DNAJC5B: variants seen among roughly 807,000 people sequenced by gnomAD.
DNAJC5B encodes dnaJ homolog subfamily C member 5B.
DNAJC5B carries 23 observed loss-of-function variants against 24.7 expected under a neutral mutation model. The ratio of observed to expected loss-of-function variants is 0.93; its 90% CI spans 0.67 to 1.32. The LOEUF is 1.32. Among genes scored for constraint, DNAJC5B ranks in the 40% most tolerant of loss-of-function variants. The pLI is 0.00. For missense variants in DNAJC5B, 238 were observed against 240.8 expected, an observed-to-expected ratio of 0.99 and a Z score of 0.08; for synonymous variants, 101 against 90.1, an observed-to-expected ratio of 1.12 and a Z score of -0.68.
At chr8:66,058,431 G>A (rs891934804) in intron 3 of DNAJC5B, among the ~76,000 whole-genome samples, 1 of 152,164 alleles carries the variant, frequency 6.6e-6, no homozygotes, top group Non-Finnish European at 1.5e-5. Context: ...CTGGAGCAAA[G>A]ATCTCATGGA....
At chr8:66,052,278 T>C (rs1806868978) in intron 3 of DNAJC5B, among the ~76,000 whole-genome samples, 1 of 152,070 alleles carries the variant, frequency 6.6e-6, no homozygotes, top group African/African-American at 2.4e-5. Flanking sequence ...ATTTAACCCA[T>C]CTGATATAGC....
chr8:66,090,762 C>T (rs1023549072), intron 5 of DNAJC5B, among the ~76,000 whole-genome samples: 11 of 152,126 alleles, frequency 7.2e-5, no homozygotes, highest in African/African-American at 2.7e-4. Flanking sequence ...TCTTACTGCC[C>T]AGGAAAAAGG....
the DNAJC5B span, among the ~76,000 whole-genome samples, chr8:66,016,322 G>A: frequency 6.6e-6 from 1 of 152,180 alleles, no homozygotes; most frequent in Non-Finnish European, 1.5e-5. Context: ...GAAGTGATTG[G>A]ATTATGGAGG....
chr8:66,048,634 C>T (rs1383340680), intron 2 of DNAJC5B, among the ~76,000 whole-genome samples: 1 of 152,064 alleles, frequency 6.6e-6, no homozygotes. Flanking sequence ...GTCTTTCAGT[C>T]CCCAAACCCA....
At chr8:66,075,855 G>T (rs1463240543) in intron 3 of DNAJC5B, among the ~76,000 whole-genome samples, 1 of 152,114 alleles carries the variant, frequency 6.6e-6, no homozygotes, top group East Asian at 1.9e-4. Context: ...CTACTTTTCT[G>T]CTTTACTTCT....
At chr8:66,083,714 A>G (rs1807654784) in intron 5 of DNAJC5B, among the ~76,000 whole-genome samples, 1 of 152,184 alleles carries the variant, frequency 6.6e-6, no homozygotes, top group Non-Finnish European at 1.5e-5. Flanking sequence ...TCATTTCTAC[A>G]CTCGTGGGGC....
chr8:66,028,796 C>A (rs186244962), intron 1 of DNAJC5B, among the ~76,000 whole-genome samples: 5 of 152,316 alleles, frequency 3.3e-5, no homozygotes, highest in Admixed American at 3.3e-4. Flanking sequence ...AACCTCATTT[C>A]TCTGCACTCG....
At chr8:66,020,656 T>G (rs1806093602), upstream of DNAJC5B, among the ~76,000 whole-genome samples, 1 of 141,628 alleles carries the variant, frequency 7.1e-6, no homozygotes, top group Non-Finnish European at 1.5e-5. Flanking sequence ...GTGTGTGTTT[T>G]AGACAAGGTT....
intron 1 of DNAJC5B, among the ~76,000 whole-genome samples, chr8:66,036,032 T>C (rs746193503): frequency 6.6e-6 from 1 of 152,224 alleles, no homozygotes; most frequent in Non-Finnish European, 1.5e-5. Context: ...GGGTCAGAGT[T>C]GTTCAGCGTG....
At chr8:66,072,334 T>C (rs897526078) in intron 3 of DNAJC5B, among the ~76,000 whole-genome samples, 3 of 152,156 alleles carry the variant, frequency 2.0e-5, no homozygotes, top group Non-Finnish European at 4.4e-5. Context: ...TAGTGGAAAG[T>C]TTTAACACAT....
intron 5 of DNAJC5B, among the ~76,000 whole-genome samples, chr8:66,088,307 G>A (rs1215420698): frequency 2.0e-5 from 3 of 152,164 alleles, no homozygotes; most frequent in Non-Finnish European, 2.9e-5. Context: ...AGAGCAGTGG[G>A]GCCCTGGCCC....
rs1347591454 is a variant in DNAJC5B at position 66,051,626 on chromosome 8, C to A, written c.79C>A (p.His27Asn). ...AGCTCTATACGAAATTCTTGGTCTG[C>A]ATAAGGGAGCATCAAATGAAGAAAT... ...GEALYEILGL[H>N]KGASNEEIKK... is the part of the protein sequence containing the mutation. Residue 27 changes from histidine (H) to asparagine (N), a missense_variant, in exon 3 of 6, where the codon CAT becomes AAT. Physicochemically the swap from His to Asn is moderately conservative, Grantham distance 68 (BLOSUM62 1). Transcript: ENST00000276570. 2.5e-6 allele frequency: 4 copies of A among 1,613,184 alleles called. 1 individual carries two copies. The East Asian group carries it at 6.7e-5, about 27-fold the overall frequency.
chr8:66,047,684 T>A (rs1288561713), intron 2 of DNAJC5B, among the ~76,000 whole-genome samples: 1 of 152,190 alleles, frequency 6.6e-6, no homozygotes, highest in East Asian at 1.9e-4. Flanking sequence ...ATATGACAGC[T>A]CTTAAGACTT....
upstream of DNAJC5B, among the ~76,000 whole-genome samples, chr8:66,019,707 T>A (rs1164498614): frequency 6.6e-6 from 1 of 152,234 alleles, no homozygotes; most frequent in Non-Finnish European, 1.5e-5. Flanking sequence ...GCCACATGAA[T>A]AATCAAAGTG....
Position 66,076,899 on chromosome 8 carries a change from A to T in DNAJC5B, c.333+26A>T, listed in dbSNP as rs1441325018. ...GTGAAACTGAATTTCCTTTCTTCACAATCTCCTGTAAGACCATGATATTAA... is the reference window on the plus strand; with the variant it reads ...GTGAAACTGAATTTCCTTTCTTCACTATCTCCTGTAAGACCATGATATTAA... On this transcript the variant is annotated intron_variant, in intron 4 of 5. Transcript: ENST00000276570. 3.1e-6 allele frequency: 5 copies of T among 1,611,338 alleles called. No homozygotes were observed. The East Asian group carries it at 8.9e-5, about 29-fold the overall frequency.
intron 3 of DNAJC5B, among the ~76,000 whole-genome samples, chr8:66,071,405 C>A (rs762457798): frequency 6.6e-6 from 1 of 151,914 alleles, no homozygotes; most frequent in African/African-American, 2.4e-5. Flanking sequence ...TGAACAGACA[C>A]TTCTCAAAAG....
chr8:66,090,287 G>GGT (rs1258114717), intron 5 of DNAJC5B, among the ~76,000 whole-genome samples: 9 of 150,264 alleles, frequency 6.0e-5, no homozygotes, highest in African/African-American at 1.9e-4. Flanking sequence ...GTGTGGTAGA[G>GGT]AGAGAGAGAG....
At position 66,034,176 on chromosome 8, in the gene DNAJC5B, TTGTGTG is replaced by T. The variant is rs60916429; in HGVS notation, c.-141-9285_-141-9280del. Among the ~76,000 whole-genome samples, 92 of 144,296 alleles carry T rather than the reference TTGTGTG, an allele frequency of 6.4e-4. No homozygotes were observed. The South Asian group carries it at 9.0e-3, about 14-fold the overall frequency. The allele number at this position is 144,296 out of a possible 152,430, so 94.7% of individuals were successfully genotyped here. ...GAGTATTCTCTCTATTGTTGTTGTTTTGTGTGTGTGTGTGTGTGTGTGTGTGTGTGT... is the reference window on the plus strand; with the variant it reads ...GAGTATTCTCTCTATTGTTGTTGTTTTGTGTGTGTGTGTGTGTGTGTGTGT... On this transcript the variant is annotated intron_variant, in intron 1 of 5. Transcript: ENST00000276570.
intron 2 of DNAJC5B, among the ~76,000 whole-genome samples, chr8:66,045,645 T>A (rs16932441): frequency 0.18 from 27,621 of 152,010 alleles, 4,684 homozygotes; most frequent in African/African-American, 0.45. Context: ...CCAGGCTGTT[T>A]CCAGGACTGT....
Sources: gnomAD v4.1 joint callset for allele counts (sites outside exome capture counted in the v4.1 genomes callset) on GRCh38, gnomAD v4.1.1 for gene constraint, MANE v1.5 for transcripts, NCBI Gene and HGNC (gene_info 2026-07-23, HGNC 2026-07-21) for gene names.